TPST1: variants seen among roughly 807,000 people sequenced by gnomAD.
TPST1 encodes the protein protein-tyrosine sulfotransferase 1.
A neutral mutation model predicts 34.8 loss-of-function variants in TPST1; 20 were observed. The observed-to-expected ratio is 0.57, with a 90% CI of 0.40 to 0.84. The LOEUF is 0.84. Ranked by LOEUF, TPST1 falls within the 40% of genes least tolerant of loss-of-function variation. The pLI, the probability that TPST1 is intolerant of heterozygous loss-of-function variation, is 0.00. For synonymous variants in TPST1, 152 were observed against 159.4 expected, an observed-to-expected ratio of 0.95 and a Z score of 0.35; for missense variants, 353 against 455.5, an observed-to-expected ratio of 0.78 and a Z score of 2.05.
At chr7:66,273,014 G>T (rs961342627) in intron 2 of TPST1, among the ~76,000 whole-genome samples, 1 of 152,146 alleles carries the variant, frequency 6.6e-6, no homozygotes, top group Admixed American at 6.5e-5. Flanking sequence ...CTGATGACAT[G>T]ATCTTACATA....
chr7:66,327,306 T>C (rs1005895416), intron 3 of TPST1, among the ~76,000 whole-genome samples: 1 of 152,230 alleles, frequency 6.6e-6, no homozygotes, highest in Admixed American at 6.5e-5. Context: ...GGAAGGATTA[T>C]ATTAGAGTTT....
chr7:66,218,678 C>T (rs1381208929), intron 1 of TPST1, among the ~76,000 whole-genome samples: 1 of 152,042 alleles, frequency 6.6e-6, no homozygotes, highest in Admixed American at 6.6e-5. Flanking sequence ...AACCCCATCT[C>T]TACTAAAAAT....
At chr7:66,354,323 C>A (rs976203052) in intron 4 of TPST1, among the ~76,000 whole-genome samples, 19 of 152,052 alleles carry the variant, frequency 1.2e-4, no homozygotes, top group African/African-American at 4.3e-4. Context: ...AATCCAAAAG[C>A]GCCCAGGTGC....
At chr7:66,298,294 G>A (rs1562833512) in intron 3 of TPST1, among the ~76,000 whole-genome samples, 1 of 152,042 alleles carries the variant, frequency 6.6e-6, no homozygotes, top group Non-Finnish European at 1.5e-5. Flanking sequence ...TACATTTCTA[G>A]CAATTTTGTT....
intron 3 of TPST1, among the ~76,000 whole-genome samples, chr7:66,302,301 C>A (rs950359373): frequency 2.0e-5 from 3 of 152,126 alleles, no homozygotes; most frequent in African/African-American, 4.8e-5. Flanking sequence ...GGGTTCATTT[C>A]TTTGATTTTA....
chr7:66,343,804 G>T (rs1792287491), intron 3 of TPST1, among the ~76,000 whole-genome samples: 1 of 152,190 alleles, frequency 6.6e-6, no homozygotes, highest in African/African-American at 2.4e-5. Flanking sequence ...TTATGGCAGC[G>T]ATTTTTGGAA....
chr7:66,305,888 G>A (rs570922313), intron 3 of TPST1, among the ~76,000 whole-genome samples: 1 of 152,096 alleles, frequency 6.6e-6, no homozygotes, highest in Non-Finnish European at 1.5e-5. Context: ...AAATTTGTTG[G>A]CAGGAAGCTG....
intron 3 of TPST1, among the ~76,000 whole-genome samples, chr7:66,324,800 C>CAAAAAAAAAAAA (rs56389964): frequency 3.8e-4 from 41 of 109,268 alleles, no homozygotes; most frequent in East Asian, 9.3e-4. Context: ...GACTCTGTCT[C>CAAAAAAAAAAAA]AAAAAAAAAA....
intron 5 of TPST1, among the ~76,000 whole-genome samples, chr7:66,358,649 T>G (rs1022993139): frequency 6.6e-6 from 1 of 152,220 alleles, no homozygotes; most frequent in Admixed American, 6.5e-5. Flanking sequence ...AGCAAGCTGC[T>G]AATATTGACA....
chr7:66,286,375 T>C (rs1214802721), intron 2 of TPST1, 136 bp from the exon 3 acceptor site: 2 of 607,026 alleles, frequency 3.3e-6, no homozygotes, highest in Non-Finnish European at 4.9e-6. Flanking sequence ...GTGTCAAACC[T>C]GATTAGTGCC....
intron 2 of TPST1, among the ~76,000 whole-genome samples, chr7:66,268,717 T>C (rs1406869074): frequency 6.6e-6 from 1 of 152,192 alleles, no homozygotes; most frequent in Non-Finnish European, 1.5e-5. Context: ...TTTTTTTTTT[T>C]TGAGACAGAA....
intron 2 of TPST1, among the ~76,000 whole-genome samples, chr7:66,263,278 T>C (rs768051781): frequency 1.1e-4 from 16 of 152,182 alleles, no homozygotes; most frequent in Non-Finnish European, 2.1e-4. Flanking sequence ...TTTTGTAGTA[T>C]TGACAAAATT....
intron 1 of TPST1, among the ~76,000 whole-genome samples, chr7:66,220,527 A>T (rs1438303302): frequency 2.0e-5 from 3 of 152,180 alleles, no homozygotes; most frequent in Non-Finnish European, 4.4e-5. Context: ...AAAGCTGCGC[A>T]GGAAAGATGG....
At chr7:66,301,310 G>A (rs1475856886) in intron 3 of TPST1, among the ~76,000 whole-genome samples, 1 of 152,194 alleles carries the variant, frequency 6.6e-6, no homozygotes, top group African/African-American at 2.4e-5. Context: ...TGGCTTAAGG[G>A]AATGTCATGG....
chr7:66,334,910 C>T (rs1792065529), intron 3 of TPST1, among the ~76,000 whole-genome samples: 1 of 152,156 alleles, frequency 6.6e-6, no homozygotes, highest in Non-Finnish European at 1.5e-5. Flanking sequence ...ACTCCCGTCC[C>T]ATCAGGGAGA....
At chr7:66,308,571 T>C (rs190470166) in intron 3 of TPST1, among the ~76,000 whole-genome samples, 29 of 152,316 alleles carry the variant, frequency 1.9e-4, no homozygotes, top group Admixed American at 1.8e-3. Context: ...TACCTCTGCG[T>C]GTGCTTATAA....
At chr7:66,274,986 AG>A (rs1446952563) in intron 2 of TPST1, among the ~76,000 whole-genome samples, 3 of 152,132 alleles carry the variant, frequency 2.0e-5, no homozygotes, top group African/African-American at 7.2e-5. Flanking sequence ...CGAGGTCAGG[AG>A]GTCGAGACCA....
chr7:66,227,013 A>G (rs1231850297), intron 1 of TPST1, among the ~76,000 whole-genome samples: 2 of 141,436 alleles, frequency 1.4e-5, no homozygotes, highest in Admixed American at 7.1e-5. Context: ...TTGGTGTTGG[A>G]TGCCTTAAAA....
At chr7:66,282,930 A>C (rs990156045) in intron 2 of TPST1, among the ~76,000 whole-genome samples, 1 of 152,158 alleles carries the variant, frequency 6.6e-6, no homozygotes, top group Non-Finnish European at 1.5e-5. Context: ...CTCCCAACTT[A>C]GTAGCTTCAA....
Sources: allele counts gnomAD v4.1 joint callset (sites outside exome capture counted in the v4.1 genomes callset), GRCh38; gene constraint gnomAD v4.1.1; transcripts MANE v1.5; gene names NCBI Gene and HGNC (gene_info 2026-07-23, HGNC 2026-07-21).